SCFD2: variants seen among roughly 807,000 people sequenced by gnomAD.
SCFD2 encodes sec1 family domain containing 2.
A neutral mutation model predicts 58.9 loss-of-function variants in SCFD2; 54 were observed. The ratio of observed to expected loss-of-function variants is 0.92; its 90% CI spans 0.74 to 1.15. The LOEUF (loss-of-function observed/expected upper bound fraction) is 1.15. SCFD2 is among the 50% of genes most tolerant of loss of function. SCFD2 has a pLI of 0.00. For missense variants in SCFD2, 805 were observed against 836.6 expected (o/e 0.96, Z 0.47); for synonymous variants, 321 against 335.9 (o/e 0.96, Z 0.49).
intron 5 of SCFD2, among the ~76,000 whole-genome samples, chr4:53,030,280 A>G (rs1487611596): frequency 2.0e-5 from 3 of 152,208 alleles, no homozygotes; most frequent in African/African-American, 7.2e-5. Flanking sequence ...AGTGGTAGCT[A>G]CAAACCTACT....
chr4:52,994,103 C>G (rs1721686947), intron 5 of SCFD2, among the ~76,000 whole-genome samples: 2 of 152,166 alleles, frequency 1.3e-5, no homozygotes, highest in African/African-American at 4.8e-5. Flanking sequence ...CTCAGGCCAG[C>G]AGTTCCTCTG....
At chr4:53,343,128 C>T (rs1016178474) in intron 2 of SCFD2, among the ~76,000 whole-genome samples, 3 of 151,178 alleles carry the variant, frequency 2.0e-5, no homozygotes, top group Non-Finnish European at 4.4e-5. Flanking sequence ...CTGAAGGAGA[C>T]AGAGACACAA....
At chr4:53,202,050 T>C (rs1728259501) in intron 4 of SCFD2, among the ~76,000 whole-genome samples, 1 of 152,182 alleles carries the variant, frequency 6.6e-6, no homozygotes, top group Admixed American at 6.5e-5. Flanking sequence ...TTTCTCAATT[T>C]TGGCTTCTGT....
rs140708852 is a variant in SCFD2 at position 53,234,744 on chromosome 4, T to C, written c.1311+39082A>G. 1.2e-3 allele frequency among the ~76,000 whole-genome samples: 189 copies of C among 152,318 alleles called. 2 individuals carry two copies. In the East Asian group the frequency reaches 0.027, roughly 22 times the overall value. Reference sequence around the variant, plus strand: ...TAATTCATTATTTTGATCACTTCCTTAGCAGGTCATAAAATGATCAGAATT... The same window carrying C: ...TAATTCATTATTTTGATCACTTCCTCAGCAGGTCATAAAATGATCAGAATT... On this transcript the variant is annotated intron_variant, in intron 4 of 8. Transcript: ENST00000401642.
At chr4:53,335,353 T>C (rs1418497627) in intron 2 of SCFD2, among the ~76,000 whole-genome samples, 1 of 152,202 alleles carries the variant, frequency 6.6e-6, no homozygotes, top group African/African-American at 2.4e-5. Context: ...TACTGGTCTG[T>C]ATTCTTCAAA....
chr4:52,974,113 A>T (rs1721185942), intron 5 of SCFD2, among the ~76,000 whole-genome samples: 1 of 152,202 alleles, frequency 6.6e-6, no homozygotes, highest in South Asian at 2.1e-4. Flanking sequence ...CGGGCACAAG[A>T]CAGGGATGCC....
intron 4 of SCFD2, among the ~76,000 whole-genome samples, chr4:53,162,852 TAATAAAATAA>T (rs947521165): frequency 1.3e-5 from 2 of 150,692 alleles, no homozygotes; most frequent in Admixed American, 6.6e-5. Flanking sequence ...AGTATAATAA[TAATAAAATAA>T]AATAAAATAA....
chr4:53,191,059 A>C (rs1216539586), intron 4 of SCFD2, among the ~76,000 whole-genome samples: 1 of 152,172 alleles, frequency 6.6e-6, no homozygotes, highest in African/African-American at 2.4e-5. Context: ...TAAATATAAA[A>C]TTTGAGGGCA....
At chr4:53,221,003 A>G (rs1248938065) in intron 4 of SCFD2, among the ~76,000 whole-genome samples, 4 of 152,344 alleles carry the variant, frequency 2.6e-5, no homozygotes, top group African/African-American at 9.6e-5. Context: ...AGGTATTAAC[A>G]AAATACTGGC....
chr4:53,326,388 C>T (rs996504031), intron 2 of SCFD2, among the ~76,000 whole-genome samples: 8 of 152,172 alleles, frequency 5.3e-5, no homozygotes, highest in Non-Finnish European at 1.0e-4. Context: ...AGTGATCCAC[C>T]TGCCTCAGCC....
intron 7 of SCFD2, 125 bp from the exon 8 acceptor site, chr4:52,885,991 G>A (rs1577797823): frequency 2.4e-6 from 3 of 1,232,666 alleles, no homozygotes; most frequent in East Asian, 2.5e-5. Context: ...GCAGGAGGCA[G>A]ACAAATCCTA....
intron 4 of SCFD2, among the ~76,000 whole-genome samples, chr4:53,259,269 G>A (rs893143073): frequency 5.9e-5 from 9 of 152,104 alleles, no homozygotes; most frequent in Admixed American, 5.9e-4. Flanking sequence ...TTTGCTTTTG[G>A]ATTCTTGGTC....
At chr4:53,114,271 T>A (rs1482283780) in intron 5 of SCFD2, among the ~76,000 whole-genome samples, 3 of 152,090 alleles carry the variant, frequency 2.0e-5, no homozygotes, top group Admixed American at 6.6e-5. Context: ...AGTATTAACA[T>A]AAAAGGGGCT....
intron 5 of SCFD2, among the ~76,000 whole-genome samples, chr4:53,143,517 T>C (rs1726228567): frequency 6.6e-6 from 1 of 152,256 alleles, no homozygotes; most frequent in East Asian, 1.9e-4. Flanking sequence ...GGTTTTATAC[T>C]AAGCAAGAAA....
In SCFD2 at chr4:53,051,797, A is replaced by G. The variant is rs189195865; in HGVS notation, c.1561+93536T>C. Among the ~76,000 whole-genome samples, 497 of 152,314 alleles carry G rather than the reference A, an allele frequency of 3.3e-3. 1 individual carries two copies. Among genetic ancestry groups the G allele is most frequent in the African/African-American group, 0.011 (464 of 41,574 alleles). On this transcript the variant is annotated intron_variant, in intron 5 of 8. Transcript: ENST00000401642. ...TTAAAGAAGAAAGTAAGGATTTTAA[A>G]ATTAGTTCTACTGAGTATTTCTCCT...
At chr4:53,215,460 G>A (rs1255752417) in intron 4 of SCFD2, among the ~76,000 whole-genome samples, 1 of 152,018 alleles carries the variant, frequency 6.6e-6, no homozygotes, top group Admixed American at 6.6e-5. Context: ...TGTTATTGGT[G>A]TATAAGAATG....
intron 4 of SCFD2, among the ~76,000 whole-genome samples, chr4:53,164,823 A>T (rs1208559326): frequency 6.6e-6 from 1 of 151,560 alleles, no homozygotes; most frequent in Non-Finnish European, 1.5e-5. Flanking sequence ...GAAGAAGAAG[A>T]AGAAGAAGGG....
rs781732330 is a variant in SCFD2, at chr4:53,365,549, C to A, written c.393G>T (p.Pro131=). 5 of 1,614,154 alleles carry A rather than the reference C, an allele frequency of 3.1e-6. No individual in the cohort carries two copies. Among genetic ancestry groups the A allele is most frequent in the Admixed American group, 1.7e-5 (1 of 60,028 alleles). Reference sequence around the variant, plus strand: ...GCTTCTCCTCCAGCTGCTCGAACACCGGCTGCTGCCCCTCCATCTCGGCCG... The same window carrying A: ...GCTTCTCCTCCAGCTGCTCGAACACAGGCTGCTGCCCCTCCATCTCGGCCG... ...AAAAEMEGQQ[P]VFEQLEEKLC... The change falls in exon 1 of 9, where the codon CCG becomes CCT. Residue 131 remains proline, a synonymous_variant. Coordinates refer to ENST00000401642, the MANE Select transcript of SCFD2 (RefSeq NM_152540.4). The surrounding 1 kb of genome is among the most constrained non-coding windows in gnomAD (Gnocchi z 4.3).
intron 4 of SCFD2, among the ~76,000 whole-genome samples, chr4:53,200,956 G>T (rs1728211152): frequency 6.6e-6 from 1 of 151,832 alleles, no homozygotes; most frequent in South Asian, 2.1e-4. Context: ...GTATTTCATG[G>T]AGAATAAGGT....
Sources: gnomAD v4.1 joint callset for allele counts (sites outside exome capture counted in the v4.1 genomes callset) on GRCh38, gnomAD v4.1.1 for gene constraint, Gnocchi (gnomAD v3.1) non-coding constraint, MANE v1.5 for transcripts, NCBI Gene and HGNC (gene_info 2026-07-23, HGNC 2026-07-21) for gene names.